Variants in CTNNA2 observed in about 807,000 individuals in gnomAD.
CTNNA2 encodes the protein catenin alpha 2.
A neutral mutation model predicts 101.0 loss-of-function variants in CTNNA2; 42 were observed. The ratio of observed to expected loss-of-function variants is 0.42; its 90% CI spans 0.32 to 0.54. The LOEUF is 0.54. Among genes scored for constraint, CTNNA2 ranks in the 20% least tolerant of loss-of-function variants. CTNNA2 has a pLI of 0.14. For synonymous variants in CTNNA2, 450 were observed against 456.4 expected (o/e 0.99, Z 0.18); for missense variants, 871 against 1,223.1 (o/e 0.71, Z 4.29).
chr2:79,217,465 A>C (rs566630143), intron 2 of CTNNA2, among the ~76,000 whole-genome samples: 1 of 151,656 alleles, frequency 6.6e-6, no homozygotes, highest in East Asian at 2.0e-4. Flanking sequence ...GGTAAAGGAA[A>C]ATTACAGTCA....
chr2:79,950,171 A>G (rs77253275), intron 7 of CTNNA2, among the ~76,000 whole-genome samples: 14,150 of 132,608 alleles, frequency 0.11, 893 homozygotes, highest in East Asian at 0.3. Context: ...TAATCCTTGT[A>G]TTAAGAAAAA....
intron 3 of CTNNA2, among the ~76,000 whole-genome samples, chr2:79,837,600 G>A (rs1447025143): frequency 2.0e-5 from 3 of 152,022 alleles, no homozygotes; most frequent in Non-Finnish European, 4.4e-5. Flanking sequence ...AGATGCAATC[G>A]TTGATTTTTT....
At chr2:80,045,553 A>C (rs929169012) in intron 7 of CTNNA2, among the ~76,000 whole-genome samples, 6 of 152,218 alleles carry the variant, frequency 3.9e-5, no homozygotes, top group Admixed American at 3.9e-4. Flanking sequence ...ACCGCAAGTT[A>C]CCATTAAATC....
At chr2:80,520,018 C>T (rs1345791243) in intron 9 of CTNNA2, among the ~76,000 whole-genome samples, 2 of 152,088 alleles carry the variant, frequency 1.3e-5, no homozygotes, top group Admixed American at 6.6e-5. Context: ...TCCACTGTTG[C>T]TTAGAAGCCT....
chr2:80,469,250 A>G (rs1685097441), intron 9 of CTNNA2, among the ~76,000 whole-genome samples: 1 of 152,212 alleles, frequency 6.6e-6, no homozygotes, highest in African/African-American at 2.4e-5. Flanking sequence ...GAAATATCAT[A>G]GAAACAAATA....
intron 3 of CTNNA2, among the ~76,000 whole-genome samples, chr2:79,794,821 G>A (rs1675570204): frequency 6.6e-6 from 1 of 152,238 alleles, no homozygotes; most frequent in South Asian, 2.1e-4. Flanking sequence ...ATCTTTCCAT[G>A]CATATTGTCT....
chr2:79,768,141 C>A (rs1268889093), intron 3 of CTNNA2, among the ~76,000 whole-genome samples: 1 of 151,780 alleles, frequency 6.6e-6, no homozygotes, highest in African/African-American at 2.4e-5. Flanking sequence ...TAGGTATCAG[C>A]CGAGTTTGGT....
At chr2:79,886,329 C>A (rs2974163) in intron 6 of CTNNA2, among the ~76,000 whole-genome samples, 2 of 152,044 alleles carry the variant, frequency 1.3e-5, no homozygotes, top group Non-Finnish European at 2.9e-5. Context: ...GTGATTATTT[C>A]TGGGGTACAG....
intron 7 of CTNNA2, among the ~76,000 whole-genome samples, chr2:80,062,310 C>T (rs548822438): frequency 2.0e-5 from 3 of 152,178 alleles, no homozygotes; most frequent in Admixed American, 6.5e-5. Flanking sequence ...CCCTTTCCAT[C>T]CTCATCTATA....
rs538021295 is a variant in CTNNA2 at position 80,066,669 on chromosome 2, T to G, written c.1056+156872T>G. Among the ~76,000 whole-genome samples, 702 of 152,326 alleles carry G rather than the reference T, an allele frequency of 4.6e-3. 5 individuals are homozygous for G. The highest frequency in any genetic ancestry group is 0.016 in the African/African-American group (676 of 41,586). ...AAATTAGTGCAGCCATTATGCAAAG[T>G]AGTATGGAGATATGTCAAAAAATTA... On this transcript the variant is annotated intron_variant, in intron 7 of 18. Transcript: ENST00000402739.
At chr2:80,065,321 G>A (rs961766170) in intron 7 of CTNNA2, among the ~76,000 whole-genome samples, 2 of 151,566 alleles carry the variant, frequency 1.3e-5, no homozygotes, top group African/African-American at 4.8e-5. Flanking sequence ...AAAGGCCATT[G>A]TATCTGCCTG....
At chr2:80,450,876 G>T (rs1683443980) in intron 9 of CTNNA2, among the ~76,000 whole-genome samples, 1 of 152,070 alleles carries the variant, frequency 6.6e-6, no homozygotes, top group African/African-American at 2.4e-5. Flanking sequence ...ATTTTCAGCA[G>T]TGGAACTTGA....
intron 2 of CTNNA2, among the ~76,000 whole-genome samples, chr2:79,739,763 G>C (rs562550099): frequency 6.6e-6 from 1 of 152,244 alleles, no homozygotes; most frequent in South Asian, 2.1e-4. Flanking sequence ...CCAGCAATTG[G>C]GCCACCTTGT....
chr2:79,850,502 A>G (rs2103901003), intron 3 of CTNNA2, among the ~76,000 whole-genome samples: 1 of 151,768 alleles, frequency 6.6e-6, no homozygotes, highest in Admixed American at 6.6e-5. Flanking sequence ...ACTGAATAAC[A>G]TAATTTACTA....
At chr2:80,366,533 T>A (rs1674951906) in intron 7 of CTNNA2, among the ~76,000 whole-genome samples, 1 of 152,126 alleles carries the variant, frequency 6.6e-6, no homozygotes, top group Non-Finnish European at 1.5e-5. Flanking sequence ...TCTTTTGAGA[T>A]CTGCAGATCT....
chr2:79,923,476 ATATT>A (rs1335375931), intron 7 of CTNNA2, among the ~76,000 whole-genome samples: 1 of 152,122 alleles, frequency 6.6e-6, no homozygotes, highest in Non-Finnish European at 1.5e-5. Flanking sequence ...ATAATTGTAT[ATATT>A]TATGGGGTAC....
At chr2:79,356,264 GTTTA>G (rs1677506938) in intron 3 of CTNNA2, among the ~76,000 whole-genome samples, 1 of 151,890 alleles carries the variant, frequency 6.6e-6, no homozygotes. Flanking sequence ...TTGGAGAAAT[GTTTA>G]TTTAAGTCCT....
At chr2:79,733,281 A>G (rs1312515220) in intron 2 of CTNNA2, among the ~76,000 whole-genome samples, 1 of 152,118 alleles carries the variant, frequency 6.6e-6, no homozygotes, top group Non-Finnish European at 1.5e-5. Context: ...GTCAGCAATA[A>G]TAGATGTAAA....
At chr2:80,627,714 A>G (rs1558657811) in intron 18 of CTNNA2, among the ~76,000 whole-genome samples, 1 of 152,160 alleles carries the variant, frequency 6.6e-6, no homozygotes, top group African/African-American at 2.4e-5. Context: ...TAGTTTAATT[A>G]GATCCCATTT....
Sources: gnomAD v4.1 joint callset for allele counts (sites outside exome capture counted in the v4.1 genomes callset) on GRCh38, gnomAD v4.1.1 for gene constraint, MANE v1.5 for transcripts, NCBI Gene and HGNC (gene_info 2026-07-23, HGNC 2026-07-21) for gene names.